Variants in LRRC28 observed in about 807,000 individuals in gnomAD.
LRRC28 encodes leucine-rich repeat-containing protein 28.
Under a neutral mutation model 45.7 loss-of-function variants are expected in LRRC28, and 39 were observed. That is an observed-to-expected ratio of 0.85 (90% CI 0.66 to 1.12). The LOEUF (loss-of-function observed/expected upper bound fraction) is 1.12, where lower values mean the gene tolerates loss of function less well. LRRC28 is among the 50% of genes most tolerant of loss of function. LRRC28 has a pLI of 0.00. For synonymous variants in LRRC28, 206 were observed against 178.8 expected (o/e 1.15, Z -1.22); for missense variants, 435 against 438.5 (o/e 0.99, Z 0.07).
chr15:99,314,763 A>G (rs531448860), intron 5 of LRRC28, among the ~76,000 whole-genome samples: 101 of 152,222 alleles, frequency 6.6e-4, no homozygotes, highest in Non-Finnish European at 1.1e-3. Context: ...TTGAACATCA[A>G]TCTCTAGTGG....
In LRRC28 at chr15:99,334,017, G is replaced by C. The variant is rs1394470315; in HGVS notation, c.480G>C (p.Gln160His). ...PERLHMCLSL[Q>H]YLTVDRNRLW... Reference sequence around the variant, plus strand: ...GGCTTCACATGTGCCTTTCTCTGCAGTACCTCACTGTGGACCGAAATCGTC... The same window carrying C: ...GGCTTCACATGTGCCTTTCTCTGCACTACCTCACTGTGGACCGAAATCGTC... Residue 160 changes from glutamine to histidine, a missense_variant, in exon 6 of 10, where the codon CAG becomes CAC. Gln to His is a conservative substitution (Grantham distance 24, BLOSUM62 0). Transcript: ENST00000301981. The C allele has an allele frequency of 2.0e-5, 33 of 1,614,012 alleles. No individual in the cohort carries two copies. Among genetic ancestry groups the C allele is most frequent in the Non-Finnish European group, 2.8e-5 (33 of 1,180,026 alleles).
intron 5 of LRRC28, among the ~76,000 whole-genome samples, chr15:99,303,489 T>TTA (rs1955058874): frequency 6.6e-6 from 1 of 152,084 alleles, no homozygotes; most frequent in Admixed American, 6.6e-5. Context: ...TGATAAGGTG[T>TTA]TATAACAAGT....
intron 5 of LRRC28, among the ~76,000 whole-genome samples, chr15:99,288,292 A>G (rs2152211642): frequency 6.6e-6 from 1 of 152,034 alleles, no homozygotes; most frequent in Non-Finnish European, 1.5e-5. Context: ...TGCGTGATAT[A>G]ATCATTTTAC....
chr15:99,295,518 G>C (rs1178107810), intron 5 of LRRC28, among the ~76,000 whole-genome samples: 6 of 152,164 alleles, frequency 3.9e-5, no homozygotes, highest in Non-Finnish European at 7.4e-5. Context: ...TGAGGAGACA[G>C]AAAGAACAGC....
intron 5 of LRRC28, among the ~76,000 whole-genome samples, chr15:99,328,850 T>C (rs2152287388): frequency 6.6e-6 from 1 of 151,748 alleles, no homozygotes; most frequent in East Asian, 1.9e-4. Context: ...TCCTGAGGCT[T>C]TTGATCTCAA....
At chr15:99,338,905 G>T (rs557241473) in intron 6 of LRRC28, among the ~76,000 whole-genome samples, 47 of 152,286 alleles carry the variant, frequency 3.1e-4, no homozygotes, top group African/African-American at 1.1e-3. Context: ...GGAAGAAAAG[G>T]ATGTTCCTAT....
chr15:99,367,281 G>T (rs1957365375), intron 9 of LRRC28, among the ~76,000 whole-genome samples: 1 of 152,168 alleles, frequency 6.6e-6, no homozygotes, highest in Admixed American at 6.5e-5. Context: ...GTTTTATTCT[G>T]CTATGACAGA....
At chr15:99,323,785 T>C (rs963068360) in intron 5 of LRRC28, among the ~76,000 whole-genome samples, 47 of 152,354 alleles carry the variant, frequency 3.1e-4, no homozygotes, top group African/African-American at 9.9e-4. Flanking sequence ...GTTATTGAAT[T>C]ATATGGGATA....
intron 7 of LRRC28, among the ~76,000 whole-genome samples, chr15:99,359,387 G>A (rs1957136081): frequency 6.6e-6 from 1 of 152,236 alleles, no homozygotes; most frequent in Non-Finnish European, 1.5e-5. Flanking sequence ...GATAAGGGAT[G>A]GACGTGGACA....
intron 6 of LRRC28, among the ~76,000 whole-genome samples, chr15:99,336,850 C>G (rs2152297980): frequency 6.6e-6 from 1 of 152,324 alleles, no homozygotes; most frequent in East Asian, 1.9e-4. Context: ...CTCCTAATAA[C>G]TTGTTTTTCT....
chr15:99,381,529 A>C (rs1163857202), intron 9 of LRRC28, among the ~76,000 whole-genome samples: 4 of 152,164 alleles, frequency 2.6e-5, no homozygotes, highest in Admixed American at 1.3e-4. Flanking sequence ...TCTTCTCTCA[A>C]CTCGTCAAAG....
At chr15:99,315,693 T>C (rs1025960508) in intron 5 of LRRC28, among the ~76,000 whole-genome samples, 1 of 152,222 alleles carries the variant, frequency 6.6e-6, no homozygotes, top group Non-Finnish European at 1.5e-5. Context: ...AGGTTTGAAG[T>C]TGACTGCTAC....
At chr15:99,357,294 C>T (rs1957073333) in intron 7 of LRRC28, among the ~76,000 whole-genome samples, 1 of 152,150 alleles carries the variant, frequency 6.6e-6, no homozygotes, top group East Asian at 1.9e-4. Flanking sequence ...TAAGTATGTT[C>T]CTCACAAATG....
chr15:99,319,197 C>G (rs1208423800), intron 5 of LRRC28, among the ~76,000 whole-genome samples: 1 of 152,058 alleles, frequency 6.6e-6, no homozygotes, highest in Admixed American at 6.6e-5. Context: ...ACAATAGACA[C>G]CTAGTGGCCT....
At chr15:99,307,373 G>C (rs551590451) in intron 5 of LRRC28, among the ~76,000 whole-genome samples, 8 of 152,280 alleles carry the variant, frequency 5.3e-5, no homozygotes, top group Admixed American at 3.9e-4. Flanking sequence ...CCATCCAAAA[G>C]TGTGAAAGAA....
At chr15:99,282,187 T>TC (rs2081820465) in intron 3 of LRRC28, among the ~76,000 whole-genome samples, 1 of 143,722 alleles carries the variant, frequency 7.0e-6, no homozygotes, top group South Asian at 2.3e-4. Context: ...GTTTTTTTTT[T>TC]TTTTGTAGCA....
chr15:99,329,516 C>T (rs571798315), intron 5 of LRRC28, among the ~76,000 whole-genome samples: 19 of 152,094 alleles, frequency 1.2e-4, no homozygotes, highest in African/African-American at 3.1e-4. Context: ...GTAAAAATTT[C>T]GAGAGTTCTA....
At chr15:99,269,689 T>C (rs2048301) in intron 2 of LRRC28, among the ~76,000 whole-genome samples, 123,037 of 152,000 alleles carry the variant, frequency 0.81, 50,030 homozygotes, top group African/African-American at 0.9. Flanking sequence ...AGGTGTGAGC[T>C]ACCATGCCTG....
intron 5 of LRRC28, among the ~76,000 whole-genome samples, chr15:99,303,723 A>C (rs765226507): frequency 6.6e-6 from 1 of 152,058 alleles, no homozygotes; most frequent in Non-Finnish European, 1.5e-5. Context: ...AATCCCAGCT[A>C]CTCAGGAGGC....
Sources: gnomAD v4.1 joint callset for allele counts (sites outside exome capture counted in the v4.1 genomes callset) on GRCh38, gnomAD v4.1.1 for gene constraint, MANE v1.5 for transcripts, NCBI Gene and HGNC (gene_info 2026-07-23, HGNC 2026-07-21) for gene names.